Variants in CCDC68 observed in about 807,000 individuals in gnomAD.
CCDC68 encodes coiled-coil domain-containing protein 68.
In CCDC68, 45 loss-of-function variants were observed where a neutral mutation model predicts 47.1. The observed-to-expected ratio is 0.96, with a 90% CI of 0.75 to 1.23. The LOEUF is 1.23. Ranked by LOEUF, CCDC68 falls within the 50% of genes most tolerant of loss-of-function variation. The pLI, the probability that CCDC68 is intolerant of heterozygous loss-of-function variation, is 0.00. For synonymous variants in CCDC68, 131 were observed against 129.5 expected (o/e 1.01, Z -0.08); for missense variants, 353 against 373.6 (o/e 0.94, Z 0.45).
Position 54,934,944 on chromosome 18 carries a change from T to TTAAC in CCDC68, c.472_475dup (p.Asn159SerfsTer2). On this transcript the variant is annotated stop_gained and frameshift_variant, in exon 7 of 12. Coordinates refer to ENST00000591504, the MANE Select transcript of CCDC68 (RefSeq NM_025214.3). LOFTEE classifies it high-confidence loss of function. ...CAATTTCTGTTCTTTTTCAAGCTTGTTAACCTATGGTCAGAGAATCAGTTG... is the reference window on the plus strand; with the variant it reads ...CAATTTCTGTTCTTTTTCAAGCTTGTTAACTAACCTATGGTCAGAGAATCAGTTG... 1 of 1,589,346 alleles carries TTAAC rather than the reference T, an allele frequency of 6.3e-7. No individual in the cohort carries two copies. The highest frequency in any genetic ancestry group is 1.1e-5 in the South Asian group (1 of 87,016).
At chr18:54,951,370 AG>A (rs2044617800) in intron 1 of CCDC68, among the ~76,000 whole-genome samples, 1 of 152,208 alleles carries the variant, frequency 6.6e-6, no homozygotes, top group Non-Finnish European at 1.5e-5. Context: ...AGTGGGAAGG[AG>A]GGGCCAGGAT....
chr18:54,941,587 T>A (rs2044439126), intron 3 of CCDC68, among the ~76,000 whole-genome samples: 1 of 152,154 alleles, frequency 6.6e-6, no homozygotes, highest in Non-Finnish European at 1.5e-5. Context: ...CTTGATGACC[T>A]ATGGAGTTGC....
intron 8 of CCDC68, among the ~76,000 whole-genome samples, chr18:54,924,153 C>T (rs2044108108): frequency 6.6e-6 from 1 of 152,080 alleles, no homozygotes; most frequent in Non-Finnish European, 1.5e-5. Flanking sequence ...CTCTACAATG[C>T]AACTGAATAA....
rs4801109 is a variant in CCDC68, at chr18:54,904,203, T to C, written c.*155A>G. 463,608 of 579,482 alleles carry C rather than the reference T, an allele frequency of 0.8. 187,025 individuals are homozygous for C. The highest frequency in any genetic ancestry group is 0.99 in the East Asian group (33,231 of 33,490). The allele number at this position is 579,482 out of a possible 1,614,324, so 35.9% of individuals were successfully genotyped here. On this transcript the variant is annotated 3_prime_UTR_variant, in exon 12 of 12. Transcript: ENST00000591504. The stretch of plus-strand genomic sequence containing the variant: ...TCCATTAAATATAGATTTGTTTGAT[T>C]TTCTGAAATGTCATCTTCTTGCAAA...
intron 7 of CCDC68, among the ~76,000 whole-genome samples, chr18:54,931,080 A>C (rs1167478546): frequency 6.6e-6 from 1 of 151,990 alleles, no homozygotes; most frequent in Non-Finnish European, 1.5e-5. Context: ...CACCACAGAT[A>C]ATGTATTTTG....
intron 9 of CCDC68, 117 bp downstream of exon 9, chr18:54,919,154 G>C (rs749937223): frequency 1.3e-6 from 1 of 753,702 alleles, no homozygotes; most frequent in Non-Finnish European, 2.3e-6. Flanking sequence ...AACAAAAAAG[G>C]ATATGTCAGT....
chr18:54,916,195 T>A (rs2043948553), intron 10 of CCDC68, among the ~76,000 whole-genome samples: 1 of 152,042 alleles, frequency 6.6e-6, no homozygotes, highest in African/African-American at 2.4e-5. Context: ...CATTTTTAGC[T>A]GCACAGAGCT....
chr18:54,937,928 A>AC, intron 5 of CCDC68, 29 bp downstream of exon 5: 1 of 1,597,030 alleles, frequency 6.3e-7, no homozygotes. Context: ...GGCTCAAAAC[A>AC]CAAAATTTGA....
chr18:54,926,346 C>A (rs115827106), intron 8 of CCDC68, among the ~76,000 whole-genome samples: 3,226 of 152,194 alleles, frequency 0.021, 122 homozygotes, highest in African/African-American at 0.072. Context: ...CGGGCCAAAA[C>A]CATGCAGCAA....
intron 8 of CCDC68, among the ~76,000 whole-genome samples, chr18:54,924,640 C>T (rs1272850889): frequency 6.6e-6 from 1 of 152,176 alleles, no homozygotes; most frequent in East Asian, 1.9e-4. Context: ...TCTTTAACTG[C>T]AGAAATGTGA....
intron 8 of CCDC68, among the ~76,000 whole-genome samples, chr18:54,928,005 G>A (rs1487251248): frequency 6.6e-6 from 1 of 152,146 alleles, no homozygotes; most frequent in East Asian, 1.9e-4. Flanking sequence ...GTCCATAATG[G>A]TGCCTGATAC....
chr18:54,916,316 T>C (rs1304446070), intron 10 of CCDC68, among the ~76,000 whole-genome samples: 2 of 152,098 alleles, frequency 1.3e-5, no homozygotes, highest in Admixed American at 1.3e-4. Flanking sequence ...AATTGTCTGC[T>C]GGGAAGGTAG....
intron 1 of CCDC68, among the ~76,000 whole-genome samples, chr18:54,953,530 A>G (rs2044655379): frequency 7.6e-6 from 1 of 131,776 alleles, no homozygotes; most frequent in Non-Finnish European, 1.6e-5. Context: ...ACACACACAC[A>G]CACACACACA....
At chr18:54,930,623 T>TCCCTCCCCCCCCC (rs2044227922) in intron 7 of CCDC68, among the ~76,000 whole-genome samples, 1 of 26,006 alleles carries the variant, frequency 3.8e-5, no homozygotes, top group Non-Finnish European at 7.7e-5. Context: ...TCCCTTCCCT[T>TCCCTCCCCCCCCC]CCCCTCCCTC....
chr18:54,950,329 A>T (rs1159637791), intron 1 of CCDC68, among the ~76,000 whole-genome samples: 3 of 152,206 alleles, frequency 2.0e-5, no homozygotes, highest in Non-Finnish European at 1.5e-5. Context: ...AGCGAACGTT[A>T]TCTCCAAACC....
intron 7 of CCDC68, among the ~76,000 whole-genome samples, chr18:54,929,908 C>T (rs2044214277): frequency 6.6e-6 from 1 of 152,118 alleles, no homozygotes; most frequent in Admixed American, 6.5e-5. Context: ...ATACAGCATG[C>T]AGTTTTAATA....
At chr18:54,905,695 T>C (rs577994244) in intron 11 of CCDC68, among the ~76,000 whole-genome samples, 22 of 152,254 alleles carry the variant, frequency 1.4e-4, no homozygotes, top group African/African-American at 5.3e-4. Flanking sequence ...CAAATGTGAG[T>C]CCTGCCTTTA....
At chr18:54,955,499 A>T (rs975153893) in intron 1 of CCDC68, among the ~76,000 whole-genome samples, 1 of 152,188 alleles carries the variant, frequency 6.6e-6, no homozygotes, top group Non-Finnish European at 1.5e-5. Flanking sequence ...TCTACTAGAG[A>T]AATCTTCCTA....
intron 11 of CCDC68, 122 bp from the exon 12 acceptor site, chr18:54,904,537 C>A: frequency 1.4e-6 from 1 of 738,622 alleles, no homozygotes; most frequent in South Asian, 1.8e-5. Flanking sequence ...CTGCTTTGTT[C>A]TAAGAGATGT....
Sources: allele counts gnomAD v4.1 joint callset (sites outside exome capture counted in the v4.1 genomes callset), GRCh38; gene constraint gnomAD v4.1.1; transcripts MANE v1.5; gene names NCBI Gene and HGNC (gene_info 2026-07-23, HGNC 2026-07-21).